Variants in ALKBH4 observed in about 807,000 individuals in gnomAD.
ALKBH4 encodes the protein alpha-ketoglutarate-dependent dioxygenase alkB homolog 4.
ALKBH4 carries 8 observed loss-of-function variants against 12.1 expected under a neutral mutation model. That is an observed-to-expected ratio of 0.66 (90% CI 0.39 to 1.19). The LOEUF (loss-of-function observed/expected upper bound fraction) is 1.19, where lower values mean the gene tolerates loss of function less well. ALKBH4 is among the 50% of genes most tolerant of loss of function. The pLI is 0.01. For synonymous variants in ALKBH4, 195 were observed against 191.6 expected (o/e 1.02, Z -0.15); for missense variants, 403 against 430.4 (o/e 0.94, Z 0.56).
rs1279073753 is a variant in ALKBH4, at chr7:102,462,658, G to A, written c.123+2056C>T. Among the ~76,000 whole-genome samples the A allele has an allele frequency of 4.6e-5, 7 of 152,188 alleles. No homozygotes were observed. In the East Asian group the frequency reaches 7.8e-4, roughly 17 times the overall value. ...GCTGGGATTATAGGCATGAGCCACC[G>A]CACCTGGCCCCTTCCACAAATTAAA... is the stretch of plus-strand genomic sequence containing the variant. On this transcript the variant is annotated intron_variant, in intron 1 of 2. Transcript: ENST00000292566.
intron 1 of ALKBH4, among the ~76,000 whole-genome samples, chr7:102,464,038 T>TCC (rs67493080): frequency 1.0e-3 from 142 of 141,738 alleles, no homozygotes; most frequent in Middle Eastern, 7.3e-3. Flanking sequence ...TGATCAGACC[T>TCC]CCCCCCCCCC....
chr7:102,460,574 G>A (rs1377116558), intron 1 of ALKBH4, among the ~76,000 whole-genome samples: 1 of 152,176 alleles, frequency 6.6e-6, no homozygotes, highest in South Asian at 2.1e-4. Context: ...CCCTGTAAAA[G>A]AGAAGGGTTT....
intron 2 of ALKBH4, among the ~76,000 whole-genome samples, chr7:102,459,193 G>A (rs922917906): frequency 3.3e-5 from 5 of 151,830 alleles, no homozygotes; most frequent in Admixed American, 1.3e-4. Flanking sequence ...GGGGGCACCC[G>A]GGGATGTTTG....
At chr7:102,460,041 C>T (rs1295533621) in intron 1 of ALKBH4, among the ~76,000 whole-genome samples, 1 of 151,870 alleles carries the variant, frequency 6.6e-6, no homozygotes, top group Non-Finnish European at 1.5e-5. Flanking sequence ...GTAATCCCAG[C>T]TACTCAGGAG....
rs1235830180 is a variant in ALKBH4, at chr7:102,457,910, G to A, written c.393C>T (p.Phe131=). The stretch of plus-strand genomic sequence containing the variant: ...CCATCCTCCGCACCACCTCCCGGCT[G>A]AAGCTGGGGAGGCCGCAGAAGCCCT... The part of the protein sequence containing the change: ...KTEGFCGLPS[F]SREVVRRMGL... The change falls in exon 3 of 3, where the codon TTC becomes TTT. Residue 131 remains phenylalanine, a synonymous_variant. Coordinates refer to ENST00000292566, the MANE Select transcript of ALKBH4 (RefSeq NM_017621.4). The surrounding 1 kb of genome is among the most constrained non-coding windows in gnomAD (Gnocchi z 5.9). 1 of 1,613,458 alleles carries A rather than the reference G, an allele frequency of 6.2e-7. No individual in the cohort carries two copies.
chr7:102,464,068 C>A (rs1012193401), intron 1 of ALKBH4, among the ~76,000 whole-genome samples: 1 of 151,204 alleles, frequency 6.6e-6, no homozygotes, highest in Admixed American at 6.6e-5. Context: ...CCAGCCTCAT[C>A]TCTCTCACCT....
rs148824415 is a variant in ALKBH4, at chr7:102,457,806, A to G, written c.497T>C (p.Ile166Thr). The G allele has an allele frequency of 8.1e-6, 13 of 1,608,350 alleles. No homozygotes were observed. The highest frequency in any genetic ancestry group is 2.2e-5 in the South Asian group (2 of 91,010). Reference protein sequence around the residue: ...LDYCPERGSAIDPHLDDAWLW... With the variant: ...LDYCPERGSATDPHLDDAWLW... ...CCAGGCGTCGTCCAGGTGGGGGTCA[A>G]TGGCAGAGCCCCGCTCGGGGCAGTA... Residue 166 changes from isoleucine (I) to threonine (T), a missense_variant, in exon 3 of 3, where the codon ATT becomes ACT. Ile to Thr is a moderately conservative substitution (Grantham distance 89). Transcript: ENST00000292566. This position sits in a 1 kb window ranked among gnomAD's most constrained non-coding sequence, Gnocchi z 5.9.
intron 2 of ALKBH4, among the ~76,000 whole-genome samples, chr7:102,458,499 G>A (rs992217711): frequency 2.6e-5 from 4 of 152,154 alleles, no homozygotes; most frequent in African/African-American, 9.7e-5. Context: ...AGCTCAGGAG[G>A]TTGAGGCTGC....
rs541180146 is a variant in ALKBH4 at position 102,459,497 on chromosome 7, C to T, written c.321+107G>A. On this transcript the variant is annotated intron_variant, in intron 2 of 2. Transcript: ENST00000292566. ...GTCTGGGGAACTCGCCCACTACCAA[C>T]CCTGGAGGTTTGAGGGGTGTGGCTG... 8.2e-5 allele frequency: 114 copies of T among 1,395,712 alleles called. No homozygotes were observed. The East Asian group carries it at 2.5e-3, about 31-fold the overall frequency. 86.5% of individuals were successfully genotyped at this position (1,395,712 alleles called of 1,614,324 possible). A position where few individuals can be genotyped will look rare whatever the true frequency, so the allele number is the denominator to read the frequency against.
At chr7:102,458,991 C>T (rs958159987) in intron 2 of ALKBH4, among the ~76,000 whole-genome samples, 2 of 151,816 alleles carry the variant, frequency 1.3e-5, no homozygotes, top group African/African-American at 4.8e-5. Flanking sequence ...ACTAACAGTA[C>T]AAGAATTAGC....
chr7:102,457,852 C>T lies in ALKBH4; in HGVS notation c.451G>A (p.Val151Ile), dbSNP rs146632975. Residue 151 changes from valine (V) to isoleucine (I), a missense_variant, in exon 3 of 3, where the codon GTC (valine) becomes ATC (isoleucine). Coordinates refer to ENST00000292566, the MANE Select transcript of ALKBH4 (RefSeq NM_017621.4). This position sits in a 1 kb window ranked among gnomAD's most constrained non-coding sequence, Gnocchi z 5.9. ...CAGTAGTCCAGGTTGCACTGCTCGA[C>T]GGGCCGGAAGCCCTCCAGCCCCGGG... ...LYPGLEGFRP[V>I]EQCNLDYCPE... 34 of 1,611,598 alleles carry T rather than the reference C, an allele frequency of 2.1e-5. No homozygotes were observed. The highest frequency in any genetic ancestry group is 4.0e-5 in the African/African-American group (3 of 74,934).
At chr7:102,459,943 C>T (rs934189925) in intron 1 of ALKBH4, 142 bp from the exon 2 acceptor site, 2 of 684,626 alleles carry the variant, frequency 2.9e-6, no homozygotes, top group African/African-American at 1.8e-5. Flanking sequence ...CACCTGAGGT[C>T]AGGAGTTCAA....
chr7:102,463,105 G>A (rs974996956), intron 1 of ALKBH4, among the ~76,000 whole-genome samples: 6 of 151,446 alleles, frequency 4.0e-5, no homozygotes, highest in African/African-American at 9.7e-5. Flanking sequence ...CTACAGGTAC[G>A]TGTCACCATG....
chr7:102,464,585 C>A, intron 1 of ALKBH4, 129 bp downstream of exon 1: 1 of 1,331,492 alleles, frequency 7.5e-7, no homozygotes, highest in Admixed American at 3.4e-5. Context: ...ATCTCCTCAC[C>A]CTGCATCACC....
chr7:102,464,750 C>A lies in ALKBH4; in HGVS notation c.87G>T (p.Gln29His), dbSNP rs749384558. Residue 29 changes from glutamine to histidine, a missense_variant, in exon 1 of 3, where the codon CAG (glutamine) becomes CAT (histidine). Gln to His is a conservative substitution (Grantham distance 24, BLOSUM62 0). Transcript: ENST00000292566. ...GCTCCCAGGGCGGGTCACTGCCGCG[C>A]TGCCGCTCGCAGATCAGACAGGTCC... ...GIRTCLICER[Q>H]RGSDPPWELP... The A allele has an allele frequency of 6.4e-7, 1 of 1,571,372 alleles. No individual in the cohort carries two copies. The highest frequency in any genetic ancestry group is 1.4e-5 in the African/African-American group (1 of 71,146).
chr7:102,461,654 T>C (rs995598211), intron 1 of ALKBH4, among the ~76,000 whole-genome samples: 3 of 152,184 alleles, frequency 2.0e-5, no homozygotes, highest in Admixed American at 1.3e-4. Context: ...TGAACCACCA[T>C]GCCCAGCCAA....
At chr7:102,464,655 C>T (rs1256284952) in intron 1 of ALKBH4, 59 bp downstream of exon 1, 2 of 1,466,568 alleles carry the variant, frequency 1.4e-6, no homozygotes, top group African/African-American at 3.0e-5. Context: ...CAAGCTGGAC[C>T]TCAGTTTCCC....
At position 102,459,234 on chromosome 7, in the gene ALKBH4, G is replaced by A. The variant is rs991317506; in HGVS notation, c.321+370C>T. ...AGGTGGGGAAGGAGTTGGAGGGAGCGGCGGGCCCGGGGAGGGGGAAGGTGG... is the reference window on the plus strand; with the variant it reads ...AGGTGGGGAAGGAGTTGGAGGGAGCAGCGGGCCCGGGGAGGGGGAAGGTGG... On this transcript the variant is annotated intron_variant, in intron 2 of 2. Transcript: ENST00000292566. Among the ~76,000 whole-genome samples, 8 of 152,090 alleles carry A rather than the reference G, an allele frequency of 5.3e-5. No homozygotes were observed. In the East Asian group the frequency reaches 5.8e-4, roughly 11 times the overall value.
At chr7:102,458,831 T>C (rs1352265252) in intron 2 of ALKBH4, among the ~76,000 whole-genome samples, 1 of 149,816 alleles carries the variant, frequency 6.7e-6, no homozygotes, top group Admixed American at 6.7e-5. Flanking sequence ...GGAAATGAAA[T>C]GTACCAACAT....
Sources: allele counts gnomAD v4.1 joint callset (sites outside exome capture counted in the v4.1 genomes callset), GRCh38; gene constraint gnomAD v4.1.1; non-coding constraint Gnocchi (gnomAD v3.1); transcripts MANE v1.5; gene names NCBI Gene and HGNC (gene_info 2026-07-23, HGNC 2026-07-21).